CCDC88C: variants seen among roughly 807,000 people sequenced by gnomAD.
The protein encoded by CCDC88C is protein Daple.
CCDC88C carries 131 observed loss-of-function variants against 198.8 expected under a neutral mutation model. The observed-to-expected ratio is 0.66, with a 90% confidence interval of 0.57 to 0.76. CCDC88C has a LOEUF of 0.76. Among genes scored for constraint, CCDC88C ranks in the 30% least tolerant of loss-of-function variants. The pLI, the probability that CCDC88C is intolerant of heterozygous loss-of-function variation, is 0.00. For synonymous variants in CCDC88C, 1,166 were observed against 1,114.7 expected, an observed-to-expected ratio of 1.05 and a Z score of -0.92; for missense variants, 2,553 against 2,631.6, an observed-to-expected ratio of 0.97 and a Z score of 0.65.
At chr14:91,361,391 T>C (rs1356086989) in intron 3 of CCDC88C, among the ~76,000 whole-genome samples, 1 of 152,206 alleles carries the variant, frequency 6.6e-6, no homozygotes, top group Non-Finnish European at 1.5e-5. Flanking sequence ...CCCGAGTGCG[T>C]ATCTCAGACC....
At chr14:91,393,943 T>C (rs918424232) in intron 3 of CCDC88C, among the ~76,000 whole-genome samples, 5 of 152,216 alleles carry the variant, frequency 3.3e-5, no homozygotes, top group Non-Finnish European at 7.4e-5. Context: ...AGAAGACCAA[T>C]TGAGCACAAA....
At chr14:91,384,333 A>G (rs1216423977) in intron 3 of CCDC88C, 1 of 366,782 alleles carries the variant, frequency 2.7e-6, no homozygotes, top group Non-Finnish European at 5.4e-6. Context: ...AAAAACAAGC[A>G]AACAAACAAC....
At chr14:91,327,050 C>T (rs1247184095) in intron 10 of CCDC88C, among the ~76,000 whole-genome samples, 1 of 152,116 alleles carries the variant, frequency 6.6e-6, no homozygotes, top group Non-Finnish European at 1.5e-5. Context: ...TTCTTGGCTT[C>T]TCTTCTCCTG....
chr14:91,294,142 G>A (rs200620857), intron 23 of CCDC88C, 31 bp downstream of exon 23: 3 of 1,611,976 alleles, frequency 1.9e-6, no homozygotes, highest in Admixed American at 1.7e-5. Context: ...TGGTGAGGGT[G>A]CGGAGAGGGG....
At chr14:91,414,982 C>G (rs542243241) in intron 2 of CCDC88C, among the ~76,000 whole-genome samples, 1 of 152,140 alleles carries the variant, frequency 6.6e-6, no homozygotes, top group Non-Finnish European at 1.5e-5. Flanking sequence ...AAGTGGGAAA[C>G]GCTTCAGGAA....
chr14:91,372,528 C>CGGGGGGGG (rs199749681), intron 3 of CCDC88C, among the ~76,000 whole-genome samples: 11 of 24,528 alleles, frequency 4.5e-4, no homozygotes, highest in African/African-American at 8.5e-4. Flanking sequence ...GGCAGTGGTG[C>CGGGGGGGG]GGGGGGGGGC....
In CCDC88C at chr14:91,273,490, T is replaced by C. The variant is rs766982420; in HGVS notation, c.5222A>G (p.Glu1741Gly). 3.9e-5 allele frequency: 61 copies of C among 1,552,236 alleles called. No individual in the cohort carries two copies. Among genetic ancestry groups the C allele is most frequent in the Non-Finnish European group, 5.1e-5 (58 of 1,147,322 alleles). The change falls in exon 30 of 30, where the codon GAG (glutamate) becomes GGG (glycine). Residue 1741 changes from glutamate (E) to glycine (G), a missense_variant. Glu to Gly is a moderately conservative substitution (Grantham distance 98). Coordinates refer to ENST00000389857, the MANE Select transcript of CCDC88C (RefSeq NM_001080414.4). This position sits in a 1 kb window ranked among gnomAD's most constrained non-coding sequence, Gnocchi z 5.6. ...PTVKMAAPTS[E>G]GRPLKPGQYV... ...CTGCCCGGGCTTCAGCGGCCTCCCCTCCGAGGTGGGGGCGGCCATTTTGAC... is the reference window on the plus strand; with the variant it reads ...CTGCCCGGGCTTCAGCGGCCTCCCCCCCGAGGTGGGGGCGGCCATTTTGAC...
chr14:91,412,636 T>C (rs953790034), intron 2 of CCDC88C, among the ~76,000 whole-genome samples: 2 of 151,966 alleles, frequency 1.3e-5, no homozygotes, highest in Non-Finnish European at 2.9e-5. Flanking sequence ...GGGGTTTCAC[T>C]GTGTTAGCCA....
intron 3 of CCDC88C, among the ~76,000 whole-genome samples, chr14:91,392,371 A>T (rs1885558249): frequency 6.6e-6 from 1 of 152,130 alleles, no homozygotes; most frequent in African/African-American, 2.4e-5. Flanking sequence ...TGGAGCTCCG[A>T]GGGGCTGGCT....
intron 23 of CCDC88C, among the ~76,000 whole-genome samples, chr14:91,293,765 T>C (rs2139757617): frequency 6.6e-6 from 1 of 152,286 alleles, no homozygotes; most frequent in South Asian, 2.1e-4. Flanking sequence ...AGGGAACTGG[T>C]TCTGTGCACC....
intron 16 of CCDC88C, 136 bp downstream of exon 16, chr14:91,309,723 G>A: frequency 2.6e-6 from 2 of 783,258 alleles, no homozygotes; most frequent in Non-Finnish European, 3.6e-6. Context: ...AGGAACTTTG[G>A]GTTCAAGGAA....
chr14:91,313,920 C>T lies in CCDC88C; in HGVS notation c.1896G>A (p.Lys632=). The change falls in exon 15 of 30, where the codon AAG becomes AAA. Residue 632 remains lysine, a synonymous_variant. Transcript: ENST00000389857. This position sits in a 1 kb window ranked among gnomAD's most constrained non-coding sequence, Gnocchi z 5.2. ...QAKEKGERAE[K]LERELQRLQE... ...GGAGTCGCTGTAGCTCCCTCTCCAG[C>T]TTCTCTGCCCGCTCCCCCTTCTCCT... The T allele has an allele frequency of 6.2e-7, 1 of 1,612,586 alleles. No homozygotes were observed. Among genetic ancestry groups the T allele is most frequent in the Non-Finnish European group, 8.5e-7 (1 of 1,179,808 alleles).
In CCDC88C at chr14:91,289,478, T is replaced by C. The variant is rs1384579136; in HGVS notation, c.4203-135A>G. The C allele has an allele frequency of 3.8e-6, 3 of 781,218 alleles. No individual in the cohort carries two copies. In the Admixed American group the frequency reaches 5.3e-5, roughly 14 times the overall value. The allele number at this position is 781,218 out of a possible 1,614,324, so 48.4% of individuals were successfully genotyped here. On this transcript the variant is annotated intron_variant, in intron 24 of 29. Transcript: ENST00000389857. ...GCCACTCACGTGGGGTTCAGGACAA[T>C]GACGCTCATGACCATGGTAATCATA...
Position 91,303,944 on chromosome 14 carries a change from G to A in CCDC88C, c.3392C>T (p.Ala1131Val), listed in dbSNP as rs1236652888. 4 of 1,608,702 alleles carry A rather than the reference G, an allele frequency of 2.5e-6. No individual in the cohort carries two copies. Among genetic ancestry groups the A allele is most frequent in the African/African-American group, 1.3e-5 (1 of 75,058 alleles). ...CAGCAGCGTGTACTGCGCGGTGAGC[G>A]CTGCGCTCTGGGAACTCAGCGTGGA... ...ENSTLSSQSAALTAQYTLLQN... is the reference protein window; with the variant it reads ...ENSTLSSQSAVLTAQYTLLQN... The change falls in exon 20 of 30, where the codon GCG becomes GTG. Residue 1131 changes from alanine to valine, a missense_variant. This residue lies in a region of CCDC88C where 1,293 missense variants were observed against 1,219.6 expected (regional missense o/e 1.06). Transcript: ENST00000389857.
intron 13 of CCDC88C, among the ~76,000 whole-genome samples, chr14:91,318,253 C>G (rs1357954073): frequency 6.6e-6 from 1 of 150,892 alleles, no homozygotes; most frequent in Non-Finnish European, 1.5e-5. Context: ...GACCCCAGTT[C>G]CAAAAAAAAA....
At chr14:91,319,401 G>A (rs1439455558) in intron 13 of CCDC88C, among the ~76,000 whole-genome samples, 1 of 152,328 alleles carries the variant, frequency 6.6e-6, no homozygotes, top group Middle Eastern at 3.4e-3. Flanking sequence ...CATTAAAACA[G>A]AACACAGTTC....
At chr14:91,351,215 T>C (rs1357745304) in intron 4 of CCDC88C, among the ~76,000 whole-genome samples, 2 of 152,238 alleles carry the variant, frequency 1.3e-5, no homozygotes. Flanking sequence ...GCTTACATGC[T>C]GGTGTGAACC....
At chr14:91,322,604 G>GT (rs1260019122) in intron 12 of CCDC88C, among the ~76,000 whole-genome samples, 1 of 152,164 alleles carries the variant, frequency 6.6e-6, no homozygotes, top group Non-Finnish European at 1.5e-5. Flanking sequence ...CATCTGGACA[G>GT]TGTCTCTGCA....
Position 91,313,604 on chromosome 14 carries a change from C to T in CCDC88C, c.2212G>A (p.Glu738Lys), listed in dbSNP as rs1192228684. ...RENQQLEREKEELRKNVDLLK... is the reference protein window; with the variant it reads ...RENQQLEREKKELRKNVDLLK... ...AGATCCACGTTCTTCCTCAGCTCCT[C>T]CTTCTCACGCTCCAGCTGCTGGTTC... is the stretch of plus-strand genomic sequence containing the variant. Residue 738 changes from glutamate to lysine, a missense_variant, in exon 15 of 30, where the codon GAG becomes AAG. By Grantham distance (56) the Glu-to-Lys change is moderately conservative. Around this residue, in one of 2 missense-constraint regions of CCDC88C, gnomAD observed 1,260 missense variants for 1,412.0 expected, o/e 0.89. Transcript: ENST00000389857. The surrounding 1 kb of genome is among the most constrained non-coding windows in gnomAD (Gnocchi z 5.2). The T allele has an allele frequency of 6.2e-6, 10 of 1,612,708 alleles. No homozygotes were observed. The highest frequency in any genetic ancestry group is 8.5e-6 in the Non-Finnish European group (10 of 1,179,886).
Sources: allele counts gnomAD v4.1 joint callset (sites outside exome capture counted in the v4.1 genomes callset), GRCh38; gene constraint gnomAD v4.1.1; regional missense constraint gnomAD v4.1.1; non-coding constraint Gnocchi (gnomAD v3.1); transcripts MANE v1.5; gene names NCBI Gene and HGNC (gene_info 2026-07-23, HGNC 2026-07-21).